Variants in NAF1 observed in about 807,000 individuals in gnomAD.
NAF1 encodes the protein H/ACA ribonucleoprotein complex non-core subunit NAF1.
NAF1 carries 11 observed loss-of-function variants against 40.6 expected under a neutral mutation model. The ratio of observed to expected loss-of-function variants is 0.27; its 90% CI spans 0.17 to 0.45. The LOEUF (loss-of-function observed/expected upper bound fraction) is 0.45. Among genes scored for constraint, NAF1 ranks in the 20% least tolerant of loss-of-function variants. The pLI is 1.00. For missense variants in NAF1, 607 were observed against 611.1 expected (o/e 0.99, Z 0.07); for synonymous variants, 260 against 228.5 (o/e 1.14, Z -1.24).
Position 163,141,883 on chromosome 4 carries a change from C to T in NAF1, c.718-1500G>A, listed in dbSNP as rs757949531. On this transcript the variant is annotated intron_variant, in intron 4 of 7. Coordinates refer to ENST00000274054, the MANE Select transcript of NAF1 (RefSeq NM_138386.3). ...CTCTTCACATTTTATGATTTCAGTACAGCACTGAATCTTTCATTAATTTTC... is the reference window on the plus strand; with the variant it reads ...CTCTTCACATTTTATGATTTCAGTATAGCACTGAATCTTTCATTAATTTTC... The T allele has an allele frequency of 1.1e-5, 10 of 909,898 alleles. No homozygotes were observed. In the South Asian group the frequency reaches 3.5e-4, roughly 32 times the overall value. 56.4% of individuals were successfully genotyped at this position (909,898 alleles called of 1,614,324 possible). A position where few individuals can be genotyped will look rare whatever the true frequency, so the allele number is the denominator to read the frequency against.
chr4:163,107,303 A>G (rs1219651520), downstream of NAF1, among the ~76,000 whole-genome samples: 1 of 152,214 alleles, frequency 6.6e-6, no homozygotes, highest in Non-Finnish European at 1.5e-5. Flanking sequence ...GACTCTTGCT[A>G]CTTACGTCAT....
At chr4:163,109,094 A>G (rs1308802026), downstream of NAF1, among the ~76,000 whole-genome samples, 1 of 151,696 alleles carries the variant, frequency 6.6e-6, no homozygotes, top group Middle Eastern at 3.2e-3. Flanking sequence ...TTCAGTGAGG[A>G]GCAGAAACAA....
At chr4:163,149,263 G>A (rs1264215956) in intron 2 of NAF1, among the ~76,000 whole-genome samples, 1 of 152,138 alleles carries the variant, frequency 6.6e-6, no homozygotes, top group Admixed American at 6.5e-5. Context: ...TTTTCCTCAA[G>A]ATGGCTTGAA....
downstream of NAF1, chr4:163,110,033 C>A (rs1274789178): frequency 2.4e-6 from 1 of 421,484 alleles, no homozygotes; most frequent in Non-Finnish European, 4.2e-6. Context: ...TAGCATCCTG[C>A]CCTATTAAGT....
At chr4:163,163,699 C>G (rs1448062827) in intron 2 of NAF1, among the ~76,000 whole-genome samples, 2 of 151,478 alleles carry the variant, frequency 1.3e-5, no homozygotes, top group Middle Eastern at 3.4e-3. Context: ...TTTTCTCCAA[C>G]TGTAATAATA....
intron 4 of NAF1, among the ~76,000 whole-genome samples, chr4:163,142,491 G>A (rs947606072): frequency 3.3e-5 from 5 of 152,180 alleles, no homozygotes; most frequent in Non-Finnish European, 7.4e-5. Flanking sequence ...AGTATGGTTT[G>A]AACTAAAATA....
intron 2 of NAF1, among the ~76,000 whole-genome samples, chr4:163,163,580 A>T (rs1033308328): frequency 2.0e-5 from 3 of 151,956 alleles, no homozygotes. Context: ...TCAGACTAAC[A>T]TCATCCTCCT....
intron 4 of NAF1, among the ~76,000 whole-genome samples, chr4:163,144,439 T>A (rs1239833343): frequency 6.6e-6 from 1 of 152,210 alleles, no homozygotes; most frequent in Non-Finnish European, 1.5e-5. Context: ...GAAAAGATGT[T>A]CGATGGCTTG....
At chr4:163,117,813 T>C (rs1730395466) in intron 2 of NAF1, among the ~76,000 whole-genome samples, 1 of 152,052 alleles carries the variant, frequency 6.6e-6, no homozygotes. Flanking sequence ...TCTTACTGAA[T>C]GATCATATAA....
intron 2 of NAF1, among the ~76,000 whole-genome samples, chr4:163,161,368 G>A (rs531463257): frequency 3.7e-4 from 57 of 152,208 alleles, no homozygotes; most frequent in African/African-American, 1.3e-3. Flanking sequence ...AGTTACTTGG[G>A]AGGCTGAGGC....
intron 2 of NAF1, among the ~76,000 whole-genome samples, chr4:163,156,681 A>T (rs1178117022): frequency 6.6e-6 from 1 of 152,086 alleles, no homozygotes; most frequent in African/African-American, 2.4e-5. Context: ...AACAATATCA[A>T]TTTATTTCTG....
chr4:163,126,775 ACACTT>A, downstream of NAF1: 1 of 472,842 alleles, frequency 2.1e-6, no homozygotes, highest in Non-Finnish European at 3.5e-6. Flanking sequence ...TTAATGTAGC[ACACTT>A]CACTGCTATC....
chr4:163,127,052 T>G, downstream of NAF1: 1 of 1,551,716 alleles, frequency 6.4e-7, no homozygotes, highest in Admixed American at 2.0e-5. Context: ...AAAAAGTTTG[T>G]GTGACTCACT....
chr4:163,129,076 G>T lies in NAF1; in HGVS notation c.1306C>A (p.Leu436Ile). The T allele has an allele frequency of 6.4e-7, 1 of 1,572,112 alleles. No individual in the cohort carries two copies. Among genetic ancestry groups the T allele is most frequent in the Non-Finnish European group, 8.7e-7 (1 of 1,154,836 alleles). Reference protein sequence around the residue: ...LPVFDMHNFPLRPPPPPPPPP... With the variant: ...LPVFDMHNFPIRPPPPPPPPP... ...GGTGGTGGTGGGGGTGGAGGGCGGAGGGGAAAATTATGCATGTCAAACACT... is the reference window on the plus strand; with the variant it reads ...GGTGGTGGTGGGGGTGGAGGGCGGATGGGAAAATTATGCATGTCAAACACT... Residue 436 changes from leucine to isoleucine, a missense_variant, in exon 8 of 8, where the codon CTC (leucine) becomes ATC (isoleucine). Physicochemically the swap from Leu to Ile is conservative, Grantham distance 5 (BLOSUM62 2). Around this residue, in one of 3 missense-constraint regions of NAF1, gnomAD observed 189 missense variants for 216.6 expected, o/e 0.87. Transcript: ENST00000274054.
At chr4:163,114,885 T>C (rs555565677) in intron 2 of NAF1, among the ~76,000 whole-genome samples, 6 of 152,302 alleles carry the variant, frequency 3.9e-5, no homozygotes, top group Admixed American at 2.6e-4. Flanking sequence ...TTTTTCCATA[T>C]GGTTTCTACT....
rs753461673 is a variant in NAF1 at position 163,128,850 on chromosome 4, A to C, written c.*47T>G. 3 of 1,466,932 alleles carry C rather than the reference A, an allele frequency of 2.0e-6. No homozygotes were observed. The Admixed American group carries it at 7.2e-5, about 35-fold the overall frequency. 90.9% of individuals were successfully genotyped at this position (1,466,932 alleles called of 1,614,324 possible). A position where few individuals can be genotyped will look rare whatever the true frequency, so the allele number is the denominator to read the frequency against. Reference sequence around the variant, plus strand: ...TCACTCTTGAAAAAAAAAAATCCTTACCACATAATATGAAAAGTCCACATT... The same window carrying C: ...TCACTCTTGAAAAAAAAAAATCCTTCCCACATAATATGAAAAGTCCACATT... On this transcript the variant is annotated 3_prime_UTR_variant, in exon 8 of 8. Coordinates refer to ENST00000274054, the MANE Select transcript of NAF1 (RefSeq NM_138386.3).
chr4:163,145,727 GA>G, intron 4 of NAF1, 54 bp downstream of exon 4: 1 of 1,209,762 alleles, frequency 8.3e-7, no homozygotes, highest in Non-Finnish European at 1.2e-6. Context: ...GGGAAAGTCA[GA>G]AAAAAACAAT....
At chr4:163,143,213 C>T (rs1047352516) in intron 4 of NAF1, among the ~76,000 whole-genome samples, 1 of 152,022 alleles carries the variant, frequency 6.6e-6, no homozygotes, top group African/African-American at 2.4e-5. Context: ...TAATACTCAC[C>T]ATTTTTTACT....
chr4:163,105,075 T>C (rs191334964), downstream of NAF1, among the ~76,000 whole-genome samples: 477 of 152,344 alleles, frequency 3.1e-3, 4 homozygotes, highest in African/African-American at 0.011. Context: ...TACTATTTAA[T>C]CATTAGTTTG....
Sources: allele counts gnomAD v4.1 joint callset (sites outside exome capture counted in the v4.1 genomes callset), GRCh38; gene constraint gnomAD v4.1.1; regional missense constraint gnomAD v4.1.1; transcripts MANE v1.5; gene names NCBI Gene and HGNC (gene_info 2026-07-23, HGNC 2026-07-21).